ENOX2: variants seen among roughly 807,000 people sequenced by gnomAD.
ENOX2 encodes ecto-NOX disulfide-thiol exchanger 2.
A neutral mutation model predicts 45.0 loss-of-function variants in ENOX2; 36 were observed. The ratio of observed to expected loss-of-function variants is 0.80; its 90% confidence interval spans 0.61 to 1.06. The LOEUF (loss-of-function observed/expected upper bound fraction) is 1.06. Among genes scored for constraint, ENOX2 ranks in the 50% least tolerant of loss-of-function variants. The probability of loss-of-function intolerance (pLI) is 0.00; values close to 1 mark genes in which losing one functional copy is unlikely to be tolerated. For missense variants in ENOX2, 423 were observed against 462.5 expected, an observed-to-expected ratio of 0.91 and a Z score of 0.78; for synonymous variants, 174 against 152.3, an observed-to-expected ratio of 1.14 and a Z score of -1.05.
intron 3 of ENOX2, among the ~76,000 whole-genome samples, chrX:130,734,834 T>C (rs1164043292): frequency 2.7e-5 from 3 of 112,160 alleles, no homozygotes; most frequent in Non-Finnish European, 5.6e-5. Context: ...GTGATATCAT[T>C]AAACATTTGA....
intron 14 of ENOX2, among the ~76,000 whole-genome samples, chrX:130,627,321 C>T (rs943985169): frequency 2.0e-4 from 22 of 112,216 alleles, no homozygotes; most frequent in African/African-American, 7.1e-4. Context: ...TGGCTCATGC[C>T]TGTAATCCCA....
chrX:130,833,079 C>T (rs1248640332), intron 2 of ENOX2, among the ~76,000 whole-genome samples: 2 of 108,792 alleles, frequency 1.8e-5, no homozygotes, highest in African/African-American at 6.7e-5. Context: ...TTTCTTTTCA[C>T]CCTAGAATGA....
intron 11 of ENOX2, 110 bp downstream of exon 11, chrX:130,637,119 A>G: frequency 1.6e-6 from 1 of 628,618 alleles, no homozygotes. Flanking sequence ...ATAATATTAC[A>G]TCAAGAAGAA....
intron 2 of ENOX2, among the ~76,000 whole-genome samples, chrX:130,888,392 T>G (rs2078941142): frequency 8.9e-6 from 1 of 111,805 alleles, no homozygotes; most frequent in Admixed American, 9.5e-5. Flanking sequence ...TGGGGCTGGG[T>G]ATCAGGAAAC....
chrX:130,628,101 A>G lies in ENOX2; in HGVS notation c.1529-58T>C, dbSNP rs760154827. 4 of 778,670 alleles carry G rather than the reference A, an allele frequency of 5.1e-6. No homozygotes were observed. The African/African-American group carries it at 8.1e-5, about 16-fold the overall frequency. The allele number at this position is 778,670 out of a possible 1,213,427, so 64.2% of individuals were successfully genotyped here. ...AGCCTTGTATTTCTCGAGGTTCCACATGACAGTGAATAGCAAGAGCTGACT... is the reference window on the plus strand; with the variant it reads ...AGCCTTGTATTTCTCGAGGTTCCACGTGACAGTGAATAGCAAGAGCTGACT... On this transcript the variant is annotated intron_variant, in intron 13 of 14. Transcript: ENST00000394363.
At position 130,670,133 on chromosome X, in the gene ENOX2, C is replaced by A; in HGVS notation, c.526G>T (p.Ala176Ser). 1 of 1,210,675 alleles carries A rather than the reference C, an allele frequency of 8.3e-7. No homozygotes were observed. Among genetic ancestry groups the A allele is most frequent in the Non-Finnish European group, 1.1e-6 (1 of 895,011 alleles). ...TCATACAGGTCATCTCGAGCCTGTGCGAAATCAACGTGGAGTCTGCCTGTG... is the reference window on the plus strand; with the variant it reads ...TCATACAGGTCATCTCGAGCCTGTGAGAAATCAACGTGGAGTCTGCCTGTG... ...KDTGRLHVDF[A>S]QARDDLYEWE... The change falls in exon 7 of 15, where the codon GCA becomes TCA. Residue 176 changes from alanine to serine, a missense_variant. Physicochemically the swap from Ala to Ser is moderately conservative, Grantham distance 99. Coordinates refer to ENST00000394363, the MANE Select transcript of ENOX2 (RefSeq NM_006375.4).
At chrX:130,720,582 T>A in intron 3 of ENOX2, among the ~76,000 whole-genome samples, 1 of 112,373 alleles carries the variant, frequency 8.9e-6, no homozygotes, top group Non-Finnish European at 1.9e-5. Flanking sequence ...CAGAGTCCAA[T>A]ACAAGCTTAG....
chrX:130,709,125 C>A, intron 3 of ENOX2: 1 of 585,232 alleles, frequency 1.7e-6, no homozygotes. Flanking sequence ...CCAGGCGACA[C>A]AAACCTCATT....
At chrX:130,699,573 G>A (rs1179194849) in intron 4 of ENOX2, among the ~76,000 whole-genome samples, 1 of 111,487 alleles carries the variant, frequency 9.0e-6, no homozygotes, top group Non-Finnish European at 1.9e-5. Context: ...AGGCTTATTT[G>A]CTGCCTTTTC....
intron 2 of ENOX2, among the ~76,000 whole-genome samples, chrX:130,877,822 G>A (rs1041982243): frequency 8.9e-6 from 1 of 112,101 alleles, no homozygotes; most frequent in Non-Finnish European, 1.9e-5. Flanking sequence ...CTTATCAATA[G>A]TGCCCTGAGG....
intron 4 of ENOX2, among the ~76,000 whole-genome samples, chrX:130,692,525 T>G (rs976166362): frequency 3.6e-5 from 4 of 111,918 alleles, no homozygotes; most frequent in Non-Finnish European, 3.8e-5. Context: ...TCTTGACTCT[T>G]GGCATGGCCA....
intron 3 of ENOX2, among the ~76,000 whole-genome samples, chrX:130,764,006 T>C (rs921740901): frequency 9.0e-6 from 1 of 111,118 alleles, no homozygotes; most frequent in African/African-American, 3.3e-5. Flanking sequence ...TCTGTACCCA[T>C]TGGTGTTTCT....
Position 130,665,706 on chromosome X carries a change from C to T in ENOX2, c.951G>A (p.Lys317=), listed in dbSNP as rs1159568673. The change falls in exon 9 of 15, where the codon AAG becomes AAA. Residue 317 remains lysine, a synonymous_variant. Transcript: ENST00000394363. ...VAVYHSASKQ[K]AWDHFTKAQR... ...GGGCTTTTGTGAAGTGGTCCCATGC[C>T]TTCTGCTTGGAGGCGGAATGGTACA... 9.9e-6 allele frequency: 12 copies of T among 1,206,032 alleles called. No individual in the cohort carries two copies. Among genetic ancestry groups the T allele is most frequent in the Non-Finnish European group, 1.3e-5 (12 of 892,492 alleles).
chrX:130,746,847 C>A (rs981303358), intron 3 of ENOX2, among the ~76,000 whole-genome samples: 5 of 112,217 alleles, frequency 4.5e-5, no homozygotes, highest in African/African-American at 1.6e-4. Flanking sequence ...ACAGCCAGAA[C>A]CAGGGCTCCC....
chrX:130,674,864 C>T (rs1409227312), intron 6 of ENOX2, among the ~76,000 whole-genome samples: 3 of 95,142 alleles, frequency 3.2e-5, no homozygotes, highest in Admixed American at 1.2e-4. Flanking sequence ...TGAGAACATG[C>T]GGTGTTTGGT....
intron 2 of ENOX2, among the ~76,000 whole-genome samples, chrX:130,853,483 A>AAAAG (rs1420628555): frequency 9.3e-6 from 1 of 107,786 alleles, no homozygotes; most frequent in Non-Finnish European, 1.9e-5. Context: ...AAAAAAAAAA[A>AAAAG]AAAGAAAGAA....
chrX:130,725,578 AC>A (rs1448577403), intron 3 of ENOX2, among the ~76,000 whole-genome samples: 1 of 109,537 alleles, frequency 9.1e-6, no homozygotes, highest in Non-Finnish European at 1.9e-5. Context: ...TTCTCTTTCC[AC>A]ACCTGCACAT....
chrX:130,832,544 G>A (rs1277638041), intron 2 of ENOX2, among the ~76,000 whole-genome samples: 1 of 109,459 alleles, frequency 9.1e-6, no homozygotes, highest in Non-Finnish European at 1.9e-5. Flanking sequence ...CATATGAAAA[G>A]TTCAGTAGTA....
At position 130,628,068 on chromosome X, in the gene ENOX2, T is replaced by C. The variant is rs762032903; in HGVS notation, c.1529-25A>G. ...CCTACAGAGACAAGAGCATGGAGGT[T>C]ATACTTGAGCCTTGTATTTCTCGAG... On this transcript the variant is annotated intron_variant, in intron 13 of 14. Transcript: ENST00000394363. 3 of 1,069,294 alleles carry C rather than the reference T, an allele frequency of 2.8e-6. No individual in the cohort carries two copies. The South Asian group carries it at 5.6e-5, about 20-fold the overall frequency. The allele number at this position is 1,069,294 out of a possible 1,213,427, so 88.1% of individuals were successfully genotyped here.
Sources: allele counts gnomAD v4.1 joint callset (sites outside exome capture counted in the v4.1 genomes callset), GRCh38; gene constraint gnomAD v4.1.1; transcripts MANE v1.5; gene names NCBI Gene and HGNC (gene_info 2026-07-23, HGNC 2026-07-21).